NRG1: variants seen among roughly 807,000 people sequenced by gnomAD.
NRG1 encodes the protein pro-neuregulin-1, membrane-bound isoform.
Under a neutral mutation model 63.8 loss-of-function variants are expected in NRG1, and 18 were observed. The observed-to-expected ratio is 0.28, with a 90% CI of 0.19 to 0.42. NRG1 has a LOEUF of 0.42. Among genes scored for constraint, NRG1 ranks in the 10% least tolerant of loss-of-function variants. NRG1 has a pLI of 1.00. For synonymous variants in NRG1, 302 were observed against 301.3 expected (o/e 1.00, Z -0.02); for missense variants, 762 against 814.7 (o/e 0.94, Z 0.79).
chr8:32,379,089 T>TA lies in NRG1; in HGVS notation c.38-216735dup, dbSNP rs11387113. On this transcript the variant is annotated intron_variant, in intron 1 of 10. Transcript: ENST00000519301. ...GTGCCGCAATAAACATATCTTTTTT[T>TA]AAAACTTAGCATATATCTATTTGCC... Among the ~76,000 whole-genome samples, 274 of 151,734 alleles carry TA rather than the reference T, an allele frequency of 1.8e-3. 1 individual carries two copies. Among genetic ancestry groups the TA allele is most frequent in the Middle Eastern group, 6.8e-3 (2 of 294 alleles).
intron 1 of NRG1, among the ~76,000 whole-genome samples, chr8:31,930,758 C>T (rs1834790842): frequency 6.6e-6 from 1 of 152,126 alleles, no homozygotes; most frequent in Admixed American, 6.5e-5. Context: ...GCAGTGATAG[C>T]ATGAAACCAC....
intron 1 of NRG1, among the ~76,000 whole-genome samples, chr8:31,854,289 A>ATTGGTGTATTCAGAGATTCAACT (rs1827599631): frequency 6.6e-6 from 1 of 152,106 alleles, no homozygotes; most frequent in African/African-American, 2.4e-5. Flanking sequence ...ACAATTTCAG[A>ATTGGTGTATTCAGAGATTCAACT]TCCTGTTATT....
intron 1 of NRG1, among the ~76,000 whole-genome samples, chr8:32,559,349 A>G (rs368883617): frequency 1.3e-5 from 2 of 151,670 alleles, no homozygotes; most frequent in Admixed American, 6.6e-5. Context: ...AATTAAGCCA[A>G]TGGTGGACAT....
At chr8:31,736,437 T>C (rs1449982476) in intron 1 of NRG1, among the ~76,000 whole-genome samples, 1 of 152,138 alleles carries the variant, frequency 6.6e-6, no homozygotes, top group Non-Finnish European at 1.5e-5. Flanking sequence ...TCTGTCTTCA[T>C]CCCCAACACC....
intron 1 of NRG1, among the ~76,000 whole-genome samples, chr8:32,367,497 C>T (rs920944196): frequency 6.6e-6 from 1 of 151,656 alleles, no homozygotes; most frequent in Non-Finnish European, 1.5e-5. Flanking sequence ...AGTGCTTTTA[C>T]ATATTTGGCT....
At chr8:32,528,475 T>C (rs1831113524) in intron 1 of NRG1, among the ~76,000 whole-genome samples, 2 of 152,312 alleles carry the variant, frequency 1.3e-5, no homozygotes, top group South Asian at 4.1e-4. Context: ...AGTACAACAA[T>C]AGGTATGTTG....
intron 1 of NRG1, among the ~76,000 whole-genome samples, chr8:31,851,769 C>T (rs1233438249): frequency 8.1e-6 from 1 of 124,216 alleles, no homozygotes; most frequent in African/African-American, 3.0e-5. Flanking sequence ...TCCCCCCACC[C>T]CACAACAGTC....
chr8:32,517,499 A>C (rs984009205), intron 1 of NRG1, among the ~76,000 whole-genome samples: 15 of 152,180 alleles, frequency 9.9e-5, no homozygotes, highest in Admixed American at 9.2e-4. Context: ...CATCAAAAGA[A>C]AACAAAAGAG....
chr8:32,682,836 T>C (rs1809048061), intron 5 of NRG1, among the ~76,000 whole-genome samples: 2 of 152,214 alleles, frequency 1.3e-5, no homozygotes, highest in African/African-American at 2.4e-5. Context: ...ATATGCATCT[T>C]ATCTAAACTG....
chr8:32,390,978 AG>A lies in NRG1; in HGVS notation c.38-204849del, dbSNP rs1811677232. 2.0e-5 allele frequency among the ~76,000 whole-genome samples: 3 copies of A among 152,362 alleles called. No individual in the cohort carries two copies. The East Asian group carries it at 5.8e-4, about 29-fold the overall frequency. On this transcript the variant is annotated intron_variant, in intron 1 of 10. Transcript: ENST00000519301. ...CTACTCCAAAGTATCAAATATTTTA[AG>A]TGAAATTGTGATGTCTGGTGACATT...
chr8:32,672,059 T>A, intron 5 of NRG1, among the ~76,000 whole-genome samples: 1 of 152,090 alleles, frequency 6.6e-6, no homozygotes, highest in East Asian at 1.9e-4. Context: ...TACTTTTTTT[T>A]TTTTTGAGAC....
intron 5 of NRG1, among the ~76,000 whole-genome samples, chr8:32,720,665 C>T (rs1171883304): frequency 6.6e-6 from 1 of 151,998 alleles, no homozygotes; most frequent in African/African-American, 2.4e-5. Flanking sequence ...GTCAATTATC[C>T]ACTATGGGAA....
At chr8:32,720,243 G>A (rs1390170269) in intron 5 of NRG1, among the ~76,000 whole-genome samples, 1 of 152,092 alleles carries the variant, frequency 6.6e-6, no homozygotes, top group Non-Finnish European at 1.5e-5. Context: ...CGAAAGATTT[G>A]ACTAGTTTGG....
At chr8:32,045,919 A>G (rs1599677) in intron 1 of NRG1, among the ~76,000 whole-genome samples, 69,008 of 151,884 alleles carry the variant, frequency 0.45, 18,348 homozygotes, top group South Asian at 0.6. Context: ...AAGAAAATAT[A>G]TGTATATATT....
At chr8:32,651,570 G>T (rs1017017609) in intron 5 of NRG1, among the ~76,000 whole-genome samples, 4 of 152,108 alleles carry the variant, frequency 2.6e-5, no homozygotes, top group African/African-American at 9.7e-5. Flanking sequence ...CTGGATATGA[G>T]ATCCTCCCTG....
At chr8:32,662,766 G>T (rs970562945) in intron 5 of NRG1, among the ~76,000 whole-genome samples, 1 of 152,172 alleles carries the variant, frequency 6.6e-6, no homozygotes, top group Non-Finnish European at 1.5e-5. Context: ...GCTGATTTCA[G>T]TCTAAGTAGT....
At chr8:32,639,092 C>T (rs1851844968) in intron 5 of NRG1, among the ~76,000 whole-genome samples, 2 of 152,020 alleles carry the variant, frequency 1.3e-5, no homozygotes, top group Admixed American at 1.3e-4. Context: ...TTTTCTCTGG[C>T]TAAGGTCTTT....
chr8:32,561,509 G>T (rs865895913), intron 1 of NRG1, among the ~76,000 whole-genome samples: 2 of 149,430 alleles, frequency 1.3e-5, no homozygotes, highest in Non-Finnish European at 3.0e-5. Flanking sequence ...GTAATGAGCT[G>T]CCTCAGCGCT....
intron 1 of NRG1, among the ~76,000 whole-genome samples, chr8:31,880,287 A>G (rs1830250399): frequency 6.6e-6 from 1 of 152,186 alleles, no homozygotes; most frequent in Non-Finnish European, 1.5e-5. Flanking sequence ...GCTTTTATGA[A>G]GCTTACAGTG....
Sources: gnomAD v4.1 joint callset for allele counts (sites outside exome capture counted in the v4.1 genomes callset) on GRCh38, gnomAD v4.1.1 for gene constraint, MANE v1.5 for transcripts, NCBI Gene and HGNC (gene_info 2026-07-23, HGNC 2026-07-21) for gene names.